The following BRINP1 variants were observed in gnomAD, a reference collection of about 807,000 sequenced individuals.
BRINP1 encodes BMP/retinoic acid-inducible neural-specific protein 1.
A neutral mutation model predicts 72.9 loss-of-function variants in BRINP1; 17 were observed. The observed-to-expected ratio is 0.23, with a 90% confidence interval of 0.16 to 0.35. The LOEUF is 0.35. Ranked by LOEUF, BRINP1 falls within the 10% of genes least tolerant of loss-of-function variation. The pLI is 1.00. For synonymous variants in BRINP1, 418 were observed against 378.5 expected (o/e 1.10, Z -1.21); for missense variants, 850 against 1,001.6 (o/e 0.85, Z 2.04).
At chr9:119,335,580 A>G (rs564515921) in intron 1 of BRINP1, among the ~76,000 whole-genome samples, 1 of 152,268 alleles carries the variant, frequency 6.6e-6, no homozygotes, top group Admixed American at 6.5e-5. Context: ...ATCAACAGGA[A>G]CCTAATGGAC....
intron 2 of BRINP1, among the ~76,000 whole-genome samples, chr9:119,279,968 C>T (rs1830692404): frequency 6.6e-6 from 1 of 151,986 alleles, no homozygotes; most frequent in Non-Finnish European, 1.5e-5. Flanking sequence ...TAAGGAAATA[C>T]CTCAAAAGAA....
chr9:119,307,631 A>G (rs1485066654), intron 2 of BRINP1, among the ~76,000 whole-genome samples: 3 of 152,236 alleles, frequency 2.0e-5, no homozygotes, highest in Admixed American at 6.5e-5. Context: ...ACTCAAAACG[A>G]AGAGGTATCC....
intron 2 of BRINP1, among the ~76,000 whole-genome samples, chr9:119,253,246 G>T (rs1386144377): frequency 6.6e-6 from 1 of 152,138 alleles, no homozygotes; most frequent in Non-Finnish European, 1.5e-5. Context: ...ATATGATTCA[G>T]CAATGCCACT....
intron 2 of BRINP1, among the ~76,000 whole-genome samples, chr9:119,305,928 C>A (rs1394395264): frequency 6.6e-6 from 1 of 152,152 alleles, no homozygotes; most frequent in Non-Finnish European, 1.5e-5. Flanking sequence ...GCTGCAGGTG[C>A]CCCAGATCAC....
chr9:119,239,218 G>A (rs1439654648), intron 4 of BRINP1, among the ~76,000 whole-genome samples: 3 of 152,152 alleles, frequency 2.0e-5, no homozygotes, highest in Non-Finnish European at 2.9e-5. Flanking sequence ...GGGTCTAAAC[G>A]CCTGGCACAT....
chr9:119,292,608 T>C (rs1337776693), intron 2 of BRINP1, among the ~76,000 whole-genome samples: 1 of 152,222 alleles, frequency 6.6e-6, no homozygotes, highest in African/African-American at 2.4e-5. Context: ...CAGCCTTTCA[T>C]AGACTCTGCC....
intron 2 of BRINP1, among the ~76,000 whole-genome samples, chr9:119,310,499 G>C (rs182740382): frequency 6.6e-6 from 1 of 152,160 alleles, no homozygotes; most frequent in Non-Finnish European, 1.5e-5. Flanking sequence ...GCAGAAGCCA[G>C]CCTCTGTGTA....
intron 2 of BRINP1, among the ~76,000 whole-genome samples, chr9:119,251,613 C>T (rs902287930): frequency 1.3e-5 from 2 of 151,596 alleles, no homozygotes; most frequent in South Asian, 4.2e-4. Context: ...ACAAAAACAA[C>T]AAAAAAACTA....
Position 119,167,371 on chromosome 9 carries a change from C to T in BRINP1, c.1999G>A (p.Asp667Asn), listed in dbSNP as rs750973562. 2.1e-5 allele frequency: 34 copies of T among 1,613,920 alleles called. No homozygotes were observed. The highest frequency in any genetic ancestry group is 1.3e-4 in the East Asian group (6 of 44,862). ...VFGYSLRFNA[D>N]LLRSAVQQVN... Reference sequence around the variant, plus strand: ...TGCTGCACTGCACTGCGCAGGAGGTCGGCGTTGAACCTCAGGCTATACCCA... The same window carrying T: ...TGCTGCACTGCACTGCGCAGGAGGTTGGCGTTGAACCTCAGGCTATACCCA... The change falls in exon 8 of 8, where the codon GAC (aspartate) becomes AAC (asparagine). Residue 667 changes from aspartate (D) to asparagine (N), a missense_variant. Transcript: ENST00000265922. The surrounding 1 kb of genome is among the most constrained non-coding windows in gnomAD (Gnocchi z 4.3).
chr9:119,313,342 A>G lies in BRINP1; in HGVS notation c.14T>C (p.Phe5Ser). The change falls in exon 2 of 8, where the codon TTT becomes TCT. Residue 5 changes from phenylalanine to serine, a missense_variant. Physicochemically the swap from Phe to Ser is radical, Grantham distance 155. Coordinates refer to ENST00000265922, the MANE Select transcript of BRINP1 (RefSeq NM_014618.3). ...AAACAGGAAGTAGAGGAGCTCAACA[A>G]ACCTCCAGTTCATGCTTTTCTGCCG... MNWRFVELLYFLFIW... is the reference protein window; with the variant it reads MNWRSVELLYFLFIW... The G allele has an allele frequency of 1.2e-6, 2 of 1,613,768 alleles. No individual in the cohort carries two copies. Among genetic ancestry groups the G allele is most frequent in the Non-Finnish European group, 1.7e-6 (2 of 1,179,972 alleles).
chr9:119,344,113 T>C (rs1354101196), intron 1 of BRINP1, among the ~76,000 whole-genome samples: 2 of 152,180 alleles, frequency 1.3e-5, no homozygotes, highest in African/African-American at 4.8e-5. Flanking sequence ...TGTTTCCCAC[T>C]CTGCTGTGAT....
intron 1 of BRINP1, among the ~76,000 whole-genome samples, chr9:119,317,534 C>T (rs553975912): frequency 1.3e-5 from 2 of 152,234 alleles, no homozygotes; most frequent in South Asian, 2.1e-4. Flanking sequence ...ACTGTTGAAA[C>T]GACAACAAAG....
chr9:119,203,675 G>A (rs549121455), intron 7 of BRINP1, among the ~76,000 whole-genome samples: 1 of 152,290 alleles, frequency 6.6e-6, no homozygotes, highest in East Asian at 1.9e-4. Flanking sequence ...ACCGGGTGAC[G>A]AAGTTGGAAT....
intron 2 of BRINP1, among the ~76,000 whole-genome samples, chr9:119,255,983 A>AAAAC (rs1830444044): frequency 1.9e-4 from 24 of 125,290 alleles, no homozygotes; most frequent in African/African-American, 6.2e-4. Flanking sequence ...AAAAAAAAAA[A>AAAAC]CACGAGACAG....
chr9:119,317,267 C>T (rs956940498), intron 1 of BRINP1, among the ~76,000 whole-genome samples: 3 of 151,856 alleles, frequency 2.0e-5, no homozygotes, highest in African/African-American at 4.8e-5. Context: ...AAAATATCAA[C>T]GGTAACAGGA....
chr9:119,189,048 A>G (rs901831144), intron 7 of BRINP1, among the ~76,000 whole-genome samples: 2 of 152,170 alleles, frequency 1.3e-5, no homozygotes, highest in African/African-American at 4.8e-5. Context: ...AAATATAAAT[A>G]GTTGGGGGGA....
intron 7 of BRINP1, among the ~76,000 whole-genome samples, chr9:119,176,535 T>C (rs936031023): frequency 6.6e-6 from 1 of 152,292 alleles, no homozygotes; most frequent in South Asian, 2.1e-4. Context: ...CTGCATTCTA[T>C]AACCGGGATC....
chr9:119,317,772 T>A (rs986500858), intron 1 of BRINP1, among the ~76,000 whole-genome samples: 4 of 152,218 alleles, frequency 2.6e-5, no homozygotes, highest in African/African-American at 9.6e-5. Flanking sequence ...ACCACCCTGA[T>A]CAGTCAGAAG....
At chr9:119,279,613 A>G (rs1830688539) in intron 2 of BRINP1, among the ~76,000 whole-genome samples, 1 of 152,232 alleles carries the variant, frequency 6.6e-6, no homozygotes, top group Non-Finnish European at 1.5e-5. Context: ...GTTCACATTA[A>G]TTGTGTAGAA....
Sources: allele counts gnomAD v4.1 joint callset (sites outside exome capture counted in the v4.1 genomes callset), GRCh38; gene constraint gnomAD v4.1.1; non-coding constraint Gnocchi (gnomAD v3.1); transcripts MANE v1.5; gene names NCBI Gene and HGNC (gene_info 2026-07-23, HGNC 2026-07-21).